Variants in ZSWIM3 observed in about 807,000 individuals in gnomAD.
The protein encoded by ZSWIM3 is zinc finger SWIM-type containing 3, also known as zinc finger SWIM domain-containing protein 3.
In ZSWIM3, 27 loss-of-function variants were observed where a neutral mutation model predicts 47.5. That is an observed-to-expected ratio of 0.57 (90% CI 0.42 to 0.78). The LOEUF (loss-of-function observed/expected upper bound fraction) is 0.78. ZSWIM3 is among the 30% of genes least tolerant of loss of function. The probability of loss-of-function intolerance (pLI) is 0.00; values close to 1 mark genes in which losing one functional copy is unlikely to be tolerated. For missense variants in ZSWIM3, 689 were observed against 861.3 expected, an observed-to-expected ratio of 0.80 and a Z score of 2.50; for synonymous variants, 333 against 333.9, an observed-to-expected ratio of 1.00 and a Z score of 0.03.
Position 45,878,503 on chromosome 20 carries a change from G to T in ZSWIM3, c.1945G>T (p.Val649Leu). The T allele has an allele frequency of 1.9e-6, 3 of 1,614,242 alleles. No individual in the cohort carries two copies. Among genetic ancestry groups the T allele is most frequent in the Non-Finnish European group, 2.5e-6 (3 of 1,180,050 alleles). The change falls in exon 2 of 2, where the codon GTG (valine) becomes TTG (leucine). Residue 649 changes from valine to leucine, a missense_variant. Physicochemically the swap from Val to Leu is conservative, Grantham distance 32 (BLOSUM62 1). Transcript: ENST00000255152. ...ACGCTACTCCACCCTGCGCAAGATT[G>T]TGGATATCTGGGCTGGCCCCTCCCA... ...EERYSTLRKI[V>L]DIWAGPSQPS...
intron 1 of ZSWIM3, among the ~76,000 whole-genome samples, chr20:45,865,992 C>CAAAA (rs377544841): frequency 2.0e-5 from 2 of 98,814 alleles, no homozygotes; most frequent in Non-Finnish European, 3.8e-5. Context: ...GACTCTGTCT[C>CAAAA]AAAAAAAAAA....
At chr20:45,872,191 A>G (rs1306246915) in intron 1 of ZSWIM3, among the ~76,000 whole-genome samples, 1 of 152,238 alleles carries the variant, frequency 6.6e-6, no homozygotes, top group Non-Finnish European at 1.5e-5. Flanking sequence ...TGGGGGCTTC[A>G]TGTAGCCAGA....
chr20:45,867,075 C>T (rs1278098956), intron 1 of ZSWIM3, among the ~76,000 whole-genome samples: 1 of 141,932 alleles, frequency 7.0e-6, no homozygotes, highest in Non-Finnish European at 1.5e-5. Context: ...GACGCTATCT[C>T]TGCTCACTGC....
chr20:45,863,182 T>G (rs978098279), intron 1 of ZSWIM3, among the ~76,000 whole-genome samples: 2 of 37,016 alleles, frequency 5.4e-5, no homozygotes, highest in African/African-American at 1.3e-4. Context: ...TTTTTTTTTG[T>G]TTGTTTGTTT....
At chr20:45,865,866 G>T (rs1455508752) in intron 1 of ZSWIM3, among the ~76,000 whole-genome samples, 1 of 151,656 alleles carries the variant, frequency 6.6e-6, no homozygotes, top group African/African-American at 2.4e-5. Flanking sequence ...GGTGGCAGGC[G>T]CCTGTAATCC....
At chr20:45,875,489 TTTTTG>T (rs1029124019) in intron 1 of ZSWIM3, among the ~76,000 whole-genome samples, 2 of 123,154 alleles carry the variant, frequency 1.6e-5, no homozygotes, top group African/African-American at 5.7e-5. Flanking sequence ...TCTATTTTTT[TTTTTG>T]TTTGTTTGTT....
intron 1 of ZSWIM3, among the ~76,000 whole-genome samples, chr20:45,871,851 T>G (rs1370055911): frequency 7.6e-6 from 1 of 131,644 alleles, no homozygotes; most frequent in African/African-American, 2.8e-5. Flanking sequence ...ACAGAACGAA[T>G]ATCTGTCTCA....
rs373046431 is a variant in ZSWIM3 at position 45,878,280 on chromosome 20, G to A, written c.1722G>A (p.Pro574=). 2.2e-5 allele frequency: 36 copies of A among 1,614,090 alleles called. No homozygotes were observed. The highest frequency in any genetic ancestry group is 1.6e-4 in the Middle Eastern group (1 of 6,084). ...CTCTGCTGCACACCAGCCAGCAGCC[G>A]GTTGGTGAAGCCATGGTGTGCCGCC... ...ILALLHTSQQ[P]VGEAMVCRRW... Residue 574 remains proline (P), a synonymous_variant, in exon 2 of 2, where the codon CCG becomes CCA. Coordinates refer to ENST00000255152, the MANE Select transcript of ZSWIM3 (RefSeq NM_080752.4).
At position 45,857,728 on chromosome 20, in the gene ZSWIM3, A is replaced by G; in HGVS notation, c.-98A>G. The G allele has an allele frequency of 6.9e-7, 1 of 1,456,062 alleles. No homozygotes were observed. Among genetic ancestry groups the G allele is most frequent in the Non-Finnish European group, 9.3e-7 (1 of 1,073,908 alleles). The allele number at this position is 1,456,062 out of a possible 1,614,324, so 90.2% of individuals were successfully genotyped here. A position where few individuals can be genotyped will look rare whatever the true frequency, so the allele number is the denominator to read the frequency against. ...CGGACCCTTAAGGCATTCTGGGCCC[A>G]CGCCTGCCTATAAACCCTCATAGTG... On this transcript the variant is annotated 5_prime_UTR_variant, in exon 1 of 2. Transcript: ENST00000255152.
At chr20:45,859,446 G>C (rs572386604) in intron 1 of ZSWIM3, among the ~76,000 whole-genome samples, 1 of 146,074 alleles carries the variant, frequency 6.8e-6, no homozygotes, top group Non-Finnish European at 1.5e-5. Context: ...AAAAAGAAAT[G>C]TACGGAGAAA....
chr20:45,868,215 T>C (rs1382064120), intron 1 of ZSWIM3, among the ~76,000 whole-genome samples: 1 of 152,178 alleles, frequency 6.6e-6, no homozygotes, highest in Non-Finnish European at 1.5e-5. Context: ...CAAGTGATGA[T>C]AGAAAACCTT....
chr20:45,869,273 A>C (rs6104373), intron 1 of ZSWIM3, among the ~76,000 whole-genome samples: 91,704 of 151,050 alleles, frequency 0.61, 28,208 homozygotes, highest in Admixed American at 0.68. Context: ...AATCCTAGCA[A>C]TTTGGGAGGC....
chr20:45,878,810 C>T lies in ZSWIM3; in HGVS notation c.*161C>T. 1 of 942,924 alleles carries T rather than the reference C, an allele frequency of 1.1e-6. No individual in the cohort carries two copies. The highest frequency in any genetic ancestry group is 1.5e-6 in the Non-Finnish European group (1 of 659,606). The allele number at this position is 942,924 out of a possible 1,614,324, so 58.4% of individuals were successfully genotyped here. The stretch of plus-strand genomic sequence containing the variant: ...AGAGGAAGGGAACTCCACTGTGTGA[C>T]AGTCCTTTCAATCTGCCCCTTTTCA... On this transcript the variant is annotated 3_prime_UTR_variant, in exon 2 of 2. Transcript: ENST00000255152.
chr20:45,875,264 G>A (rs928643941), intron 1 of ZSWIM3, among the ~76,000 whole-genome samples: 3 of 151,754 alleles, frequency 2.0e-5, no homozygotes, highest in African/African-American at 2.4e-5. Context: ...GAATGGTCTC[G>A]ATCTCCTGAT....
intron 1 of ZSWIM3, among the ~76,000 whole-genome samples, chr20:45,867,930 C>T (rs1985884383): frequency 2.0e-5 from 3 of 152,194 alleles, no homozygotes; most frequent in Admixed American, 2.0e-4. Context: ...CCCTTGTTAT[C>T]AGAGTTTTCA....
Position 45,877,749 on chromosome 20 carries a change from T to G in ZSWIM3, c.1191T>G (p.Ile397Met). The G allele has an allele frequency of 6.2e-7, 1 of 1,614,080 alleles. No individual in the cohort carries two copies. The highest frequency in any genetic ancestry group is 8.5e-7 in the Non-Finnish European group (1 of 1,179,934). Residue 397 changes from isoleucine to methionine, a missense_variant, in exon 2 of 2, where the codon ATT (isoleucine) becomes ATG (methionine). Coordinates refer to ENST00000255152, the MANE Select transcript of ZSWIM3 (RefSeq NM_080752.4). ...ACACCTACATGGACAGCCTAGACATTGTCACCAGCAAGGTGTCAAGCCTCT... is the reference window on the plus strand; with the variant it reads ...ACACCTACATGGACAGCCTAGACATGGTCACCAGCAAGGTGTCAAGCCTCT... ...ACNTYMDSLD[I>M]VTSKVSSLFR... is the part of the protein sequence containing the mutation.
At position 45,877,197 on chromosome 20, in the gene ZSWIM3, G is replaced by T; in HGVS notation, c.639G>T (p.Leu213=). 2 of 1,614,138 alleles carry T rather than the reference G, an allele frequency of 1.2e-6. No individual in the cohort carries two copies. The highest frequency in any genetic ancestry group is 1.7e-6 in the Non-Finnish European group (2 of 1,180,024). ...LSFQSSKMTD[L]FIRFPENLLL... Reference sequence around the variant, plus strand: ...TCCAGAGCAGTAAGATGACCGACCTGTTCATCCGCTTCCCAGAGAATCTCT... The same window carrying T: ...TCCAGAGCAGTAAGATGACCGACCTTTTCATCCGCTTCCCAGAGAATCTCT... The change falls in exon 2 of 2, where the codon CTG becomes CTT. Residue 213 remains leucine (L), a synonymous_variant. Coordinates refer to ENST00000255152, the MANE Select transcript of ZSWIM3 (RefSeq NM_080752.4).
intron 1 of ZSWIM3, among the ~76,000 whole-genome samples, chr20:45,874,417 C>T (rs1986044536): frequency 6.6e-6 from 1 of 152,172 alleles, no homozygotes; most frequent in Non-Finnish European, 1.5e-5. Context: ...GAGGCTGAGG[C>T]AGGAGAATCG....
At chr20:45,865,226 G>A (rs1985808552) in intron 1 of ZSWIM3, among the ~76,000 whole-genome samples, 1 of 151,954 alleles carries the variant, frequency 6.6e-6, no homozygotes, top group Non-Finnish European at 1.5e-5. Flanking sequence ...GGCTGAGGCA[G>A]GAGAATCGCT....
Sources: gnomAD v4.1 joint callset for allele counts (sites outside exome capture counted in the v4.1 genomes callset) on GRCh38, gnomAD v4.1.1 for gene constraint, MANE v1.5 for transcripts, NCBI Gene and HGNC (gene_info 2026-07-23, HGNC 2026-07-21) for gene names.